SRBD1: variants seen among roughly 807,000 people sequenced by gnomAD.
SRBD1 encodes the protein S1 RNA binding domain 1.
Under a neutral mutation model 115.3 loss-of-function variants are expected in SRBD1, and 88 were observed. That is an observed-to-expected ratio of 0.76 (90% CI 0.64 to 0.91). SRBD1 has a LOEUF of 0.91. SRBD1 is among the 40% of genes least tolerant of loss of function. The pLI is 0.00. For missense variants in SRBD1, 1,385 were observed against 1,177.4 expected, an observed-to-expected ratio of 1.18 and a Z score of -2.58; for synonymous variants, 509 against 407.7, an observed-to-expected ratio of 1.25 and a Z score of -2.99.
At chr2:45,405,231 CA>C (rs1455181864) in intron 19 of SRBD1, among the ~76,000 whole-genome samples, 1 of 152,082 alleles carries the variant, frequency 6.6e-6, no homozygotes, top group African/African-American at 2.4e-5. Context: ...GGCAATCACT[CA>C]AAAGACTTTT....
chr2:45,437,276 A>G (rs1031763625), intron 16 of SRBD1, among the ~76,000 whole-genome samples: 2 of 151,848 alleles, frequency 1.3e-5, no homozygotes, highest in African/African-American at 4.8e-5. Context: ...TTAAAAGAGA[A>G]TGAAGTCAAA....
intron 14 of SRBD1, among the ~76,000 whole-genome samples, chr2:45,502,069 C>T (rs1052790363): frequency 6.6e-6 from 1 of 152,180 alleles, no homozygotes; most frequent in Non-Finnish European, 1.5e-5. Flanking sequence ...CTCACACGGC[C>T]GGGTACCCCT....
intron 4 of SRBD1, among the ~76,000 whole-genome samples, chr2:45,589,281 A>G (rs1673640722): frequency 6.6e-6 from 1 of 152,222 alleles, no homozygotes; most frequent in African/African-American, 2.4e-5. Flanking sequence ...GCTCATGAAG[A>G]AGTTAGCAAT....
chr2:45,441,458 T>C (rs568501890), intron 16 of SRBD1, among the ~76,000 whole-genome samples: 12 of 152,366 alleles, frequency 7.9e-5, no homozygotes, highest in Admixed American at 3.3e-4. Flanking sequence ...TCCTGGTACA[T>C]AGTACGTACT....
At chr2:45,389,995 G>GT (rs1251653526) in intron 20 of SRBD1, among the ~76,000 whole-genome samples, 1 of 151,566 alleles carries the variant, frequency 6.6e-6, no homozygotes, top group Non-Finnish European at 1.5e-5. Context: ...TTTTTTTTTG[G>GT]TTTTTCCCCC....
At chr2:45,558,092 T>C (rs373791669) in intron 10 of SRBD1, among the ~76,000 whole-genome samples, 65 of 152,240 alleles carry the variant, frequency 4.3e-4, no homozygotes, top group Admixed American at 1.4e-3. Context: ...ACCTACTACA[T>C]GAAAAACAGC....
chr2:45,407,115 T>C (rs1192060055), intron 19 of SRBD1, among the ~76,000 whole-genome samples: 11 of 152,186 alleles, frequency 7.2e-5, no homozygotes, highest in Non-Finnish European at 8.8e-5. Flanking sequence ...GCAATTTACT[T>C]ACCTATCAGA....
intron 17 of SRBD1, among the ~76,000 whole-genome samples, chr2:45,419,016 T>C (rs1008156487): frequency 1.3e-5 from 2 of 152,226 alleles, no homozygotes; most frequent in South Asian, 2.1e-4. Context: ...TTATCTATAA[T>C]TGTCATGGTT....
At chr2:45,573,494 C>A in intron 8 of SRBD1, 152 bp from the exon 9 acceptor site, 1 of 806,376 alleles carries the variant, frequency 1.2e-6, no homozygotes, top group Admixed American at 3.5e-5. Context: ...ATTACTACCC[C>A]ATCAAAAGGA....
chr2:45,429,877 T>C (rs1668278844), intron 16 of SRBD1, among the ~76,000 whole-genome samples: 1 of 152,186 alleles, frequency 6.6e-6, no homozygotes, highest in Non-Finnish European at 1.5e-5. Context: ...GACATGACTG[T>C]ATATTTAGAA....
chr2:45,411,831 C>A (rs1667612312), intron 19 of SRBD1, among the ~76,000 whole-genome samples: 1 of 152,156 alleles, frequency 6.6e-6, no homozygotes, highest in Non-Finnish European at 1.5e-5. Context: ...ATAAGATGGG[C>A]CAGGTGCAGT....
chr2:45,435,216 T>C (rs1331927126), intron 16 of SRBD1, among the ~76,000 whole-genome samples: 1 of 152,100 alleles, frequency 6.6e-6, no homozygotes, highest in Non-Finnish European at 1.5e-5. Flanking sequence ...CTATTGTGAA[T>C]AGTGAATATA....
At chr2:45,540,982 C>T (rs766618329) in intron 14 of SRBD1, among the ~76,000 whole-genome samples, 6 of 152,210 alleles carry the variant, frequency 3.9e-5, no homozygotes, top group Non-Finnish European at 8.8e-5. Flanking sequence ...TGCCTTTGTC[C>T]GAGTTTTGCT....
In SRBD1 at chr2:45,586,391, G is replaced by A. The variant is rs146508710; in HGVS notation, c.649-617C>T. 3.2e-3 allele frequency among the ~76,000 whole-genome samples: 484 copies of A among 152,178 alleles called. 1 individual carries two copies. The highest frequency in any genetic ancestry group is 5.0e-3 in the Non-Finnish European group (341 of 68,004). On this transcript the variant is annotated intron_variant, in intron 4 of 20. Coordinates refer to ENST00000263736, the MANE Select transcript of SRBD1 (RefSeq NM_018079.5). ...ACCATGCAAGCATTTAAGAATCTGA[G>A]GCAGCTCTATATGAACTAATATGAA...
At chr2:45,440,130 C>G (rs1668620015) in intron 16 of SRBD1, among the ~76,000 whole-genome samples, 1 of 152,134 alleles carries the variant, frequency 6.6e-6, no homozygotes, top group Non-Finnish European at 1.5e-5. Context: ...TTGTTTGGTT[C>G]TCATTCCATA....
At chr2:45,504,707 A>T (rs1264799328) in intron 14 of SRBD1, among the ~76,000 whole-genome samples, 1 of 152,164 alleles carries the variant, frequency 6.6e-6, no homozygotes, top group Non-Finnish European at 1.5e-5. Flanking sequence ...TTTATTACTA[A>T]TCAGTCCTCT....
chr2:45,581,413 C>T (rs191130223), intron 6 of SRBD1, among the ~76,000 whole-genome samples: 5 of 152,290 alleles, frequency 3.3e-5, no homozygotes. Context: ...TCAGCCCTCT[C>T]TGATAAGCTT....
chr2:45,481,265 G>C (rs911338366), intron 15 of SRBD1, among the ~76,000 whole-genome samples: 9 of 152,136 alleles, frequency 5.9e-5, no homozygotes, highest in African/African-American at 1.9e-4. Flanking sequence ...TTTAGAGAGA[G>C]ATGGTGCTAC....
chr2:45,421,867 T>G (rs1417967177), intron 16 of SRBD1, among the ~76,000 whole-genome samples: 1 of 152,118 alleles, frequency 6.6e-6, no homozygotes, highest in Non-Finnish European at 1.5e-5. Flanking sequence ...AGCTAAAAAT[T>G]TTGGATGTCA....
Sources: gnomAD v4.1 joint callset for allele counts (sites outside exome capture counted in the v4.1 genomes callset) on GRCh38, gnomAD v4.1.1 for gene constraint, MANE v1.5 for transcripts, NCBI Gene and HGNC (gene_info 2026-07-23, HGNC 2026-07-21) for gene names.